LEKR1: variants seen among roughly 807,000 people sequenced by gnomAD.
LEKR1 encodes the protein leucine, glutamate and lysine rich 1.
In LEKR1, 59 loss-of-function variants were observed where a neutral mutation model predicts 72.4. That is an observed-to-expected ratio of 0.82 (90% CI 0.66 to 1.01). The LOEUF is 1.01. LEKR1 is among the 50% of genes least tolerant of loss of function. The pLI, the probability that LEKR1 is intolerant of heterozygous loss-of-function variation, is 0.00. For synonymous variants in LEKR1, 257 were observed against 263.2 expected (o/e 0.98, Z 0.23); for missense variants, 728 against 759.2 (o/e 0.96, Z 0.48).
chr3:156,908,669 A>G (rs1487922074), intron 3 of LEKR1, among the ~76,000 whole-genome samples: 1 of 152,156 alleles, frequency 6.6e-6, no homozygotes. Flanking sequence ...CAGCACTGGA[A>G]TCAACCAGTT....
intron 3 of LEKR1, among the ~76,000 whole-genome samples, chr3:156,864,292 T>C (rs1056426365): frequency 3.9e-5 from 6 of 152,016 alleles, no homozygotes; most frequent in Non-Finnish European, 8.8e-5. Context: ...ACATTATCCT[T>C]CCATCGTATC....
At chr3:156,896,213 G>A (rs1721166291) in intron 3 of LEKR1, among the ~76,000 whole-genome samples, 1 of 152,180 alleles carries the variant, frequency 6.6e-6, no homozygotes, top group Admixed American at 6.5e-5. Context: ...GCATGGTGAG[G>A]GGAGAGCCTC....
At chr3:156,952,008 G>A (rs1370321924) in intron 6 of LEKR1, among the ~76,000 whole-genome samples, 2 of 151,606 alleles carry the variant, frequency 1.3e-5, no homozygotes, top group East Asian at 3.9e-4. Flanking sequence ...TCATCTTTGA[G>A]TGTATGAAAG....
chr3:156,852,972 A>G lies in LEKR1; in HGVS notation c.253A>G (p.Lys85Glu), dbSNP rs1715568336. ...ACAGTACAAAATTGACAACAAATCC[A>G]AAACAGAAAGGTTGAGTATGTTTTT... ...LEQYKIDNKS[K>E]TERIYDVGMQ... Residue 85 changes from lysine to glutamate, a missense_variant, in exon 3 of 13, where the codon AAA becomes GAA. Transcript: ENST00000356539. 3.3e-6 allele frequency: 5 copies of G among 1,532,580 alleles called. No homozygotes were observed. Among genetic ancestry groups the G allele is most frequent in the Non-Finnish European group, 4.4e-6 (5 of 1,143,590 alleles). The allele number at this position is 1,532,580 out of a possible 1,614,324, so 94.9% of individuals were successfully genotyped here.
At chr3:156,979,730 A>T (rs1358434578) in intron 7 of LEKR1, 3 of 152,278 alleles carry the variant, frequency 2.0e-5, no homozygotes, top group Non-Finnish European at 4.4e-5. Flanking sequence ...CTTATGCTTG[A>T]TATAAGTGAG....
chr3:156,906,346 GA>G (rs1722531831), intron 3 of LEKR1, among the ~76,000 whole-genome samples: 2 of 152,142 alleles, frequency 1.3e-5, no homozygotes, highest in Non-Finnish European at 2.9e-5. Flanking sequence ...GAAAAACTGA[GA>G]AATACTGAAG....
intron 6 of LEKR1, among the ~76,000 whole-genome samples, chr3:156,960,594 C>T (rs918679776): frequency 3.9e-5 from 6 of 152,070 alleles, no homozygotes; most frequent in African/African-American, 9.7e-5. Context: ...CCCAAGCATA[C>T]GGTTTTTATG....
intron 10 of LEKR1, among the ~76,000 whole-genome samples, chr3:157,019,043 C>G (rs1408322829): frequency 6.6e-6 from 1 of 152,066 alleles, no homozygotes; most frequent in Non-Finnish European, 1.5e-5. Context: ...ATCTAAAGTA[C>G]TGTAATAATT....
intron 9 of LEKR1, among the ~76,000 whole-genome samples, chr3:157,001,768 A>T (rs770641582): frequency 2.6e-5 from 4 of 152,170 alleles, no homozygotes; most frequent in Admixed American, 1.3e-4. Context: ...GAATCATGTC[A>T]CCTCAGATAG....
At chr3:156,900,651 C>T (rs2108563227) in intron 3 of LEKR1, among the ~76,000 whole-genome samples, 1 of 152,218 alleles carries the variant, frequency 6.6e-6, no homozygotes, top group South Asian at 2.1e-4. Context: ...TAGTGAAACA[C>T]TGATAGTAGA....
intron 6 of LEKR1, among the ~76,000 whole-genome samples, chr3:156,965,378 T>G (rs1001259989): frequency 1.3e-5 from 2 of 152,184 alleles, no homozygotes; most frequent in Non-Finnish European, 2.9e-5. Flanking sequence ...AAGCATTTTT[T>G]GCATGAACAA....
chr3:156,831,588 G>A (rs1199199100), intron 2 of LEKR1, among the ~76,000 whole-genome samples: 1 of 152,168 alleles, frequency 6.6e-6, no homozygotes, highest in African/African-American at 2.4e-5. Context: ...TGGCTGGGGA[G>A]GCCTCACAAT....
At chr3:156,886,809 G>A (rs542830756) in intron 3 of LEKR1, among the ~76,000 whole-genome samples, 32 of 152,300 alleles carry the variant, frequency 2.1e-4, no homozygotes, top group Admixed American at 3.3e-4. Flanking sequence ...TTGTCGCAGC[G>A]TGCTGCTTCC....
At chr3:157,021,082 G>A (rs1185022398) in intron 10 of LEKR1, among the ~76,000 whole-genome samples, 2 of 151,874 alleles carry the variant, frequency 1.3e-5, no homozygotes, top group Non-Finnish European at 2.9e-5. Flanking sequence ...GTCTTCTTTT[G>A]AGAAGTGTCT....
chr3:156,868,809 G>A (rs2108545491), intron 3 of LEKR1, among the ~76,000 whole-genome samples: 1 of 151,886 alleles, frequency 6.6e-6, no homozygotes, highest in Admixed American at 6.6e-5. Context: ...ATGTATGTTT[G>A]TACCCATTTA....
chr3:156,906,089 C>T (rs1722500854), intron 3 of LEKR1, among the ~76,000 whole-genome samples: 2 of 152,054 alleles, frequency 1.3e-5, no homozygotes, highest in Non-Finnish European at 2.9e-5. Flanking sequence ...AAAAAGAGTG[C>T]AGATTACAGG....
chr3:156,865,286 C>T (rs554133529), intron 3 of LEKR1, among the ~76,000 whole-genome samples: 2 of 152,072 alleles, frequency 1.3e-5, no homozygotes, highest in African/African-American at 4.8e-5. Context: ...TGGACTTGGG[C>T]AAATTACTTA....
intron 6 of LEKR1, among the ~76,000 whole-genome samples, chr3:156,964,619 T>G (rs1040633076): frequency 1.2e-4 from 19 of 152,190 alleles, no homozygotes; most frequent in African/African-American, 4.6e-4. Context: ...AGGAGAAAAC[T>G]CCTTGTCTTT....
intron 3 of LEKR1, among the ~76,000 whole-genome samples, chr3:156,897,951 T>G (rs1721365728): frequency 7.5e-6 from 1 of 133,164 alleles, no homozygotes; most frequent in Non-Finnish European, 1.6e-5. Context: ...AGACTCTGTC[T>G]CCAAAAAAAA....
Sources: allele counts gnomAD v4.1 joint callset (sites outside exome capture counted in the v4.1 genomes callset), GRCh38; gene constraint gnomAD v4.1.1; transcripts MANE v1.5; gene names NCBI Gene and HGNC (gene_info 2026-07-23, HGNC 2026-07-21).